The following LCLAT1 variants were observed in gnomAD, a reference collection of about 807,000 sequenced individuals.
LCLAT1 encodes the protein lysocardiolipin acyltransferase 1, also known as 1-AGP acyltransferase 8.
In LCLAT1, 11 loss-of-function variants were observed where a neutral mutation model predicts 30.7. That is an observed-to-expected ratio of 0.36 (90% CI 0.23 to 0.59). The LOEUF is 0.59. LCLAT1 is among the 20% of genes least tolerant of loss of function. LCLAT1 has a pLI of 0.77. For missense variants in LCLAT1, 402 were observed against 458.6 expected (o/e 0.88, Z 1.13); for synonymous variants, 155 against 151.3 (o/e 1.02, Z -0.18).
At chr2:30,517,559 C>T (rs1254025439) in intron 1 of LCLAT1, among the ~76,000 whole-genome samples, 1 of 152,184 alleles carries the variant, frequency 6.6e-6, no homozygotes, top group Non-Finnish European at 1.5e-5. Flanking sequence ...ACAACTGGAA[C>T]TGGGTCTACA....
intron 5 of LCLAT1, among the ~76,000 whole-genome samples, chr2:30,630,600 A>G (rs750744809): frequency 1.7e-4 from 26 of 152,252 alleles, no homozygotes; most frequent in Non-Finnish European, 3.2e-4. Context: ...CTAATATAAA[A>G]TTTTATGTCT....
chr2:30,530,744 A>C (rs1476841225), intron 2 of LCLAT1, among the ~76,000 whole-genome samples: 1 of 152,048 alleles, frequency 6.6e-6, no homozygotes, highest in East Asian at 1.9e-4. Flanking sequence ...GAGTCTTGCT[A>C]TGTTGCCTAG....
chr2:30,492,707 G>A (rs1235779234), intron 1 of LCLAT1, among the ~76,000 whole-genome samples: 1 of 152,024 alleles, frequency 6.6e-6, no homozygotes, highest in East Asian at 1.9e-4. Flanking sequence ...TTGGTAATAA[G>A]CAATATGAAA....
intron 1 of LCLAT1, among the ~76,000 whole-genome samples, chr2:30,478,150 G>A (rs1382928108): frequency 6.6e-6 from 1 of 151,158 alleles, no homozygotes; most frequent in Non-Finnish European, 1.5e-5. Flanking sequence ...GAGTTAACAC[G>A]AGATTGGGGT....
At chr2:30,503,021 C>G (rs900973003) in intron 1 of LCLAT1, among the ~76,000 whole-genome samples, 1 of 152,224 alleles carries the variant, frequency 6.6e-6, no homozygotes, top group Non-Finnish European at 1.5e-5. Flanking sequence ...TTTATACTTA[C>G]TTATACCTAC....
intron 3 of LCLAT1, among the ~76,000 whole-genome samples, chr2:30,541,794 T>G (rs1225459394): frequency 2.0e-5 from 3 of 151,778 alleles, no homozygotes; most frequent in Non-Finnish European, 2.9e-5. Context: ...TGTGTAACTT[T>G]GTAACTTCCA....
intron 5 of LCLAT1, among the ~76,000 whole-genome samples, chr2:30,568,641 G>A (rs1665624767): frequency 6.7e-6 from 1 of 149,926 alleles, no homozygotes; most frequent in Admixed American, 6.7e-5. Flanking sequence ...CCAAGTAGCT[G>A]GGACTACAGG....
intron 3 of LCLAT1, among the ~76,000 whole-genome samples, chr2:30,548,434 G>A (rs1664525711): frequency 6.6e-6 from 1 of 152,154 alleles, no homozygotes; most frequent in Admixed American, 6.5e-5. Flanking sequence ...TAAAGCAGGG[G>A]CTTCCAGGCT....
chr2:30,537,919 A>G (rs1258935113), intron 3 of LCLAT1, among the ~76,000 whole-genome samples: 1 of 152,206 alleles, frequency 6.6e-6, no homozygotes, highest in Non-Finnish European at 1.5e-5. Flanking sequence ...GAAATTAATA[A>G]CAAGAGGAAA....
At chr2:30,464,258 G>A (rs1558453799) in intron 1 of LCLAT1, among the ~76,000 whole-genome samples, 1 of 151,326 alleles carries the variant, frequency 6.6e-6, no homozygotes, top group Non-Finnish European at 1.5e-5. Context: ...TTTTCCTATT[G>A]TAATTCTATA....
At position 30,451,921 on chromosome 2, in the gene LCLAT1, A is replaced by G. The variant is rs571445065; in HGVS notation, c.-5+4538A>G. Among the ~76,000 whole-genome samples the G allele has an allele frequency of 2.0e-5, 3 of 152,376 alleles. No individual in the cohort carries two copies. The South Asian group carries it at 6.2e-4, about 32-fold the overall frequency. On this transcript the variant is annotated intron_variant, in intron 1 of 5. Coordinates refer to ENST00000379509, the MANE Select transcript of LCLAT1 (RefSeq NM_001002257.3). ...AACACTGCAAAACCAGTAAAAGACAATGGATTATGGATATATGTATCAACA... is the reference window on the plus strand; with the variant it reads ...AACACTGCAAAACCAGTAAAAGACAGTGGATTATGGATATATGTATCAACA...
At chr2:30,496,509 G>C (rs779764539) in intron 1 of LCLAT1, among the ~76,000 whole-genome samples, 1 of 152,302 alleles carries the variant, frequency 6.6e-6, no homozygotes, top group Non-Finnish European at 1.5e-5. Flanking sequence ...GATATCTCCA[G>C]TGCTTCCATT....
At chr2:30,630,364 T>C (rs1355611250) in intron 5 of LCLAT1, among the ~76,000 whole-genome samples, 1 of 152,216 alleles carries the variant, frequency 6.6e-6, no homozygotes, top group Non-Finnish European at 1.5e-5. Context: ...TCCACTTCCA[T>C]AGGTGTTTTA....
intron 5 of LCLAT1, among the ~76,000 whole-genome samples, chr2:30,637,225 T>C (rs571748954): frequency 6.6e-6 from 1 of 152,034 alleles, no homozygotes; most frequent in East Asian, 1.9e-4. Context: ...GCCTCTGAGG[T>C]CTGCAGATAG....
intron 5 of LCLAT1, among the ~76,000 whole-genome samples, chr2:30,570,445 T>A (rs1665730883): frequency 1.3e-5 from 2 of 151,314 alleles, no homozygotes; most frequent in African/African-American, 4.8e-5. Context: ...TACCTGGCAT[T>A]ATGCTGTGTG....
At chr2:30,624,482 A>C (rs1357493056) in intron 5 of LCLAT1, among the ~76,000 whole-genome samples, 1 of 152,208 alleles carries the variant, frequency 6.6e-6, no homozygotes, top group African/African-American at 2.4e-5. Context: ...TATATTAGAC[A>C]AAACAAACTT....
At chr2:30,616,119 C>T (rs1257247298) in intron 5 of LCLAT1, among the ~76,000 whole-genome samples, 2 of 152,120 alleles carry the variant, frequency 1.3e-5, no homozygotes, top group Admixed American at 1.3e-4. Context: ...AGCTGTCACA[C>T]CATGTGCACA....
chr2:30,501,835 T>A (rs829665), intron 1 of LCLAT1, among the ~76,000 whole-genome samples: 14,692 of 152,146 alleles, frequency 0.097, 763 homozygotes, highest in East Asian at 0.14. Flanking sequence ...GATTAATGTC[T>A]GAATATCAAC....
intron 5 of LCLAT1, among the ~76,000 whole-genome samples, chr2:30,570,970 C>G (rs971899620): frequency 1.3e-5 from 2 of 152,188 alleles, no homozygotes; most frequent in Middle Eastern, 3.4e-3. Context: ...TCCAGAGTTC[C>G]TTTTAGAATG....
Sources: allele counts gnomAD v4.1 joint callset (sites outside exome capture counted in the v4.1 genomes callset), GRCh38; gene constraint gnomAD v4.1.1; transcripts MANE v1.5; gene names NCBI Gene and HGNC (gene_info 2026-07-23, HGNC 2026-07-21).